Variants in DPH6 observed in about 807,000 individuals in gnomAD.
DPH6 encodes diphthamine biosynthesis 6.
DPH6 carries 33 observed loss-of-function variants against 38.2 expected under a neutral mutation model. The observed-to-expected ratio is 0.86, with a 90% CI of 0.65 to 1.15. The LOEUF (loss-of-function observed/expected upper bound fraction) is 1.15, where lower values mean the gene tolerates loss of function less well. Among genes scored for constraint, DPH6 ranks in the 50% most tolerant of loss-of-function variants. DPH6 has a pLI of 0.00. For missense variants in DPH6, 325 were observed against 320.0 expected (o/e 1.02, Z -0.12); for synonymous variants, 108 against 103.0 (o/e 1.05, Z -0.30).
chr15:35,454,711 TAC>T lies in DPH6; in HGVS notation c.386+34_386+35del, dbSNP rs370499298. On this transcript the variant is annotated intron_variant, in intron 4 of 8. Transcript: ENST00000256538. ...CACTTATTCACATTCTTAAAACACA[TAC>T]ACTTTTAAAACTAACAAATTAATGT... 2.3e-5 allele frequency: 35 copies of T among 1,518,624 alleles called. No individual in the cohort carries two copies. In the East Asian group the frequency reaches 3.9e-4, roughly 17 times the overall value. The allele number at this position is 1,518,624 out of a possible 1,614,324, so 94.1% of individuals were successfully genotyped here. A position where few individuals can be genotyped will look rare whatever the true frequency, so the allele number is the denominator to read the frequency against.
At position 35,469,072 on chromosome 15, in the gene DPH6, A is replaced by AAACAACAACAACAACAACAAC. The variant is rs10649323; in HGVS notation, c.313-14273_313-14253dup. Among the ~76,000 whole-genome samples, 28 of 149,044 alleles carry AAACAACAACAACAACAACAAC rather than the reference A, an allele frequency of 1.9e-4. 1 individual carries two copies. Among genetic ancestry groups the AAACAACAACAACAACAACAAC allele is most frequent in the African/African-American group, 6.5e-4 (26 of 40,280 alleles). The stretch of plus-strand genomic sequence containing the variant: ...GCAACAAGAGCAAAACTCTGCTTCA[A>AAACAACAACAACAACAACAAC]AACAACAACAACAACAACAACAACA... On this transcript the variant is annotated intron_variant, in intron 3 of 8. Coordinates refer to ENST00000256538, the MANE Select transcript of DPH6 (RefSeq NM_080650.4).
intron 3 of DPH6, among the ~76,000 whole-genome samples, chr15:35,497,534 G>A (rs1012059336): frequency 1.3e-5 from 2 of 152,102 alleles, no homozygotes; most frequent in African/African-American, 2.4e-5. Flanking sequence ...ATCCATAGTC[G>A]GAAGTTGAGA....
chr15:35,166,835 G>A, the DPH6 span, among the ~76,000 whole-genome samples: 2 of 151,966 alleles, frequency 1.3e-5, no homozygotes. Context: ...TGGTCAATCT[G>A]CTCTGGTAAG....
chr15:35,534,322 A>G (rs2055134666), intron 3 of DPH6, among the ~76,000 whole-genome samples: 1 of 149,584 alleles, frequency 6.7e-6, no homozygotes. Flanking sequence ...GGTTGTGGTG[A>G]GCCAAGATTG....
At chr15:35,206,027 T>C in the DPH6 span, among the ~76,000 whole-genome samples, 1 of 152,124 alleles carries the variant, frequency 6.6e-6, no homozygotes, top group Non-Finnish European at 1.5e-5. Context: ...CAGTAACAGA[T>C]TTGGTAGTAT....
intron 3 of DPH6, among the ~76,000 whole-genome samples, chr15:35,534,106 G>A (rs570735708): frequency 2.0e-5 from 3 of 151,962 alleles, no homozygotes; most frequent in African/African-American, 2.4e-5. Flanking sequence ...GGCCAGGAGC[G>A]GTGGCTCATG....
At chr15:35,279,469 A>G (rs1164529841) in intron 3 of DPH6, among the ~76,000 whole-genome samples, 1 of 152,066 alleles carries the variant, frequency 6.6e-6, no homozygotes, top group African/African-American at 2.4e-5. Flanking sequence ...GTGTTACAGG[A>G]GGGGCCTGGT....
intron 3 of DPH6, among the ~76,000 whole-genome samples, chr15:35,473,620 C>A (rs2054224028): frequency 6.6e-6 from 1 of 151,968 alleles, no homozygotes; most frequent in Non-Finnish European, 1.5e-5. Context: ...CTAGGGTTAT[C>A]ACAATTATTT....
intron 8 of DPH6, among the ~76,000 whole-genome samples, chr15:35,372,974 C>A (rs2052732255): frequency 6.6e-6 from 1 of 151,900 alleles, no homozygotes; most frequent in Non-Finnish European, 1.5e-5. Flanking sequence ...GAATCTAATC[C>A]AGAACTTTAT....
chr15:35,190,512 G>A, the DPH6 span, among the ~76,000 whole-genome samples: 1 of 152,330 alleles, frequency 6.6e-6, no homozygotes, highest in South Asian at 2.1e-4. Context: ...GCTGGTCCAG[G>A]TGGTGTCTGC....
chr15:35,388,997 C>G (rs2053013563), intron 6 of DPH6, among the ~76,000 whole-genome samples: 1 of 152,110 alleles, frequency 6.6e-6, no homozygotes, highest in Admixed American at 6.5e-5. Flanking sequence ...AAATTTCCCT[C>G]TACACACTGC....
At chr15:35,425,664 A>AGTGTGTGTGTATGT (rs764305905) in intron 5 of DPH6, among the ~76,000 whole-genome samples, 1 of 124,882 alleles carries the variant, frequency 8.0e-6, no homozygotes, top group Non-Finnish European at 1.6e-5. Context: ...TATATATGGA[A>AGTGTGTGTGTATGT]GTGTGTGTGT....
intron 3 of DPH6, among the ~76,000 whole-genome samples, chr15:35,277,458 T>C (rs2051866705): frequency 6.6e-6 from 1 of 152,130 alleles, no homozygotes; most frequent in Non-Finnish European, 1.5e-5. Flanking sequence ...GGTATTTCTT[T>C]AGAGTAAAGC....
At chr15:35,335,312 T>C (rs927802329) in intron 3 of DPH6, among the ~76,000 whole-genome samples, 1 of 152,188 alleles carries the variant, frequency 6.6e-6, no homozygotes, top group Non-Finnish European at 1.5e-5. Context: ...GATGAAAAGA[T>C]TGCAAAAATT....
chr15:35,489,521 T>G (rs1374482467), intron 3 of DPH6: 2 of 983,524 alleles, frequency 2.0e-6, no homozygotes, highest in African/African-American at 3.5e-5. Flanking sequence ...GAACTTATTT[T>G]CATAATCTTT....
At position 35,312,654 on chromosome 15, in the gene DPH6, G is replaced by GA. The variant is rs1252280371; in HGVS notation, n.200+60866dup. ...CATGACACAAAACAGGACAGGAGGG[G>GA]AAAAAACCCAGATCCACAGGTGACT... On this transcript the variant is annotated intron_variant and non_coding_transcript_variant, in intron 3 of 3. Transcript: ENST00000560386. Among the ~76,000 whole-genome samples the GA allele has an allele frequency of 2.0e-5, 3 of 152,202 alleles. No homozygotes were observed. In the East Asian group the frequency reaches 5.8e-4, roughly 29 times the overall value.
intron 3 of DPH6, among the ~76,000 whole-genome samples, chr15:35,315,028 T>A (rs1460668904): frequency 2.0e-5 from 3 of 152,162 alleles, no homozygotes; most frequent in Non-Finnish European, 2.9e-5. Context: ...AATGATTACA[T>A]CTGAGACGTA....
chr15:35,201,930 A>G, the DPH6 span, among the ~76,000 whole-genome samples: 1 of 151,784 alleles, frequency 6.6e-6, no homozygotes, highest in African/African-American at 2.4e-5. Context: ...TGTACTAGAA[A>G]AAGTCTGTTA....
chr15:35,470,212 T>C (rs899230883), intron 3 of DPH6, among the ~76,000 whole-genome samples: 3 of 151,724 alleles, frequency 2.0e-5, no homozygotes, highest in Non-Finnish European at 4.4e-5. Context: ...AAAGACTAAA[T>C]AGGTAAATAA....
Sources: gnomAD v4.1 joint callset for allele counts (sites outside exome capture counted in the v4.1 genomes callset) on GRCh38, gnomAD v4.1.1 for gene constraint, MANE v1.5 for transcripts, NCBI Gene and HGNC (gene_info 2026-07-23, HGNC 2026-07-21) for gene names.